The following AKAP13 variants were observed in gnomAD, a reference collection of about 807,000 sequenced individuals.
AKAP13 encodes the protein A-kinase anchoring protein 13, also known as A-kinase anchor protein 13.
In AKAP13, 80 loss-of-function variants were observed where a neutral mutation model predicts 264.5. That is an observed-to-expected ratio of 0.30 (90% CI 0.25 to 0.36). AKAP13 has a LOEUF of 0.36. Ranked by LOEUF, AKAP13 falls within the 10% of genes least tolerant of loss-of-function variation. The pLI is 1.00. For synonymous variants in AKAP13, 1,380 were observed against 1,250.2 expected (o/e 1.10, Z -2.19); for missense variants, 3,712 against 3,435.2 (o/e 1.08, Z -2.01).
At chr15:85,470,417 T>C (rs2074918779) in intron 1 of AKAP13, among the ~76,000 whole-genome samples, 1 of 152,210 alleles carries the variant, frequency 6.6e-6, no homozygotes. Flanking sequence ...TGATTCTGTT[T>C]CGATGCTAAT....
At chr15:85,607,393 G>A (rs1654632781) in intron 8 of AKAP13, among the ~76,000 whole-genome samples, 2 of 151,956 alleles carry the variant, frequency 1.3e-5, no homozygotes, top group Non-Finnish European at 2.9e-5. Flanking sequence ...CTTGTAGGCT[G>A]ACTTAAATAC....
intron 2 of AKAP13, among the ~76,000 whole-genome samples, chr15:85,513,501 C>T (rs535720221): frequency 2.0e-5 from 3 of 152,144 alleles, no homozygotes; most frequent in African/African-American, 7.2e-5. Context: ...ATATTCTTTA[C>T]TCAGGGCAAC....
chr15:85,639,145 C>T (rs2082194208), intron 8 of AKAP13, among the ~76,000 whole-genome samples: 1 of 152,062 alleles, frequency 6.6e-6, no homozygotes, highest in Admixed American at 6.5e-5. Context: ...TGTATCTTTT[C>T]TTATTGCTTT....
chr15:85,602,286 G>A (rs1468002703), intron 8 of AKAP13, among the ~76,000 whole-genome samples: 1 of 150,866 alleles, frequency 6.6e-6, no homozygotes, highest in Non-Finnish European at 1.5e-5. Flanking sequence ...AGGCATTCTT[G>A]TGCCTCAGCC....
chr15:85,704,850 T>C (rs2086140640), intron 17 of AKAP13, among the ~76,000 whole-genome samples: 1 of 152,228 alleles, frequency 6.6e-6, no homozygotes, highest in East Asian at 1.9e-4. Context: ...AGTAAGATTT[T>C]AGTCTCATGA....
intron 1 of AKAP13, among the ~76,000 whole-genome samples, chr15:85,457,607 C>A (rs1567066763): frequency 6.6e-6 from 1 of 152,200 alleles, no homozygotes; most frequent in Non-Finnish European, 1.5e-5. Flanking sequence ...TTGGACACAG[C>A]TGTTTCCTCG....
chr15:85,625,148 ATC>A (rs758444724), intron 8 of AKAP13, among the ~76,000 whole-genome samples: 10 of 152,080 alleles, frequency 6.6e-5, no homozygotes, highest in Non-Finnish European at 1.3e-4. Flanking sequence ...TAATGGTAAA[ATC>A]TCTGTTTTCC....
intron 2 of AKAP13, among the ~76,000 whole-genome samples, chr15:85,507,397 AC>A (rs912392368): frequency 8.6e-5 from 13 of 151,876 alleles, no homozygotes; most frequent in African/African-American, 3.1e-4. Flanking sequence ...AAAAAAAAAA[AC>A]ATAAGAAACG....
At chr15:85,598,463 T>C (rs1320467363) in intron 8 of AKAP13, among the ~76,000 whole-genome samples, 1 of 152,214 alleles carries the variant, frequency 6.6e-6, no homozygotes, top group African/African-American at 2.4e-5. Flanking sequence ...AAAACATATG[T>C]CCATGCACGA....
chr15:85,691,834 C>T (rs754856128), intron 16 of AKAP13: 4 of 490,164 alleles, frequency 8.2e-6, no homozygotes, highest in South Asian at 4.5e-5. Context: ...GAGGGAAGAC[C>T]ACAGGAAAGA....
chr15:85,739,607 A>G (rs946849121), intron 33 of AKAP13, among the ~76,000 whole-genome samples: 1 of 151,920 alleles, frequency 6.6e-6, no homozygotes, highest in African/African-American at 2.4e-5. Flanking sequence ...GGTTTCTTCC[A>G]TTACTTCTGT....
chr15:85,498,335 G>A (rs901500955), intron 2 of AKAP13, among the ~76,000 whole-genome samples: 1 of 151,804 alleles, frequency 6.6e-6, no homozygotes, highest in Non-Finnish European at 1.5e-5. Context: ...GTGTGGCTTC[G>A]TCTTGCATCT....
intron 17 of AKAP13, among the ~76,000 whole-genome samples, chr15:85,696,241 G>A (rs1597092213): frequency 6.6e-6 from 1 of 152,128 alleles, no homozygotes; most frequent in Non-Finnish European, 1.5e-5. Flanking sequence ...GTGGAAACCA[G>A]GTAATATAAT....
chr15:85,645,679 TA>T, intron 9 of AKAP13, 138 bp from the exon 10 acceptor site: 3 of 905,118 alleles, frequency 3.3e-6, no homozygotes, highest in Non-Finnish European at 3.2e-6. Context: ...AAAAAAGAAA[TA>T]AGGAGGGAAG....
intron 8 of AKAP13, among the ~76,000 whole-genome samples, chr15:85,637,756 C>T (rs338502): frequency 0.27 from 41,105 of 151,882 alleles, 7,991 homozygotes; most frequent in East Asian, 0.57. Flanking sequence ...TGTAATGTTA[C>T]AAATATTGCT....
chr15:85,741,707 AAAAAAAAAAC>A (rs1245719094), intron 35 of AKAP13, among the ~76,000 whole-genome samples: 94 of 86,828 alleles, frequency 1.1e-3, no homozygotes, highest in Admixed American at 2.3e-3. Flanking sequence ...TAAAAAAAAA[AAAAAAAAAAC>A]AAACAAACAA....
In AKAP13 at chr15:85,744,680, C is replaced by T. The variant is rs1309590135; in HGVS notation, c.*3C>T. The T allele has an allele frequency of 1.0e-5, 16 of 1,601,778 alleles. No individual in the cohort carries two copies. The highest frequency in any genetic ancestry group is 2.2e-5 in the East Asian group (1 of 44,726). On this transcript the variant is annotated 3_prime_UTR_variant, in exon 37 of 37. Coordinates refer to ENST00000394518, the MANE Select transcript of AKAP13 (RefSeq NM_007200.5). Reference sequence around the variant, plus strand: ...AGGGTGAAGAGATCTTCTGCTGACCCTCTTCCTCTCTGCTGAGGCAGCTGC... The same window carrying T: ...AGGGTGAAGAGATCTTCTGCTGACCTTCTTCCTCTCTGCTGAGGCAGCTGC...
At chr15:85,573,981 T>G (rs574163283) in intron 5 of AKAP13, among the ~76,000 whole-genome samples, 3 of 152,332 alleles carry the variant, frequency 2.0e-5, no homozygotes, top group Admixed American at 6.5e-5. Context: ...GATTATAATA[T>G]CTGTGTTTGC....
chr15:85,743,935 C>G (rs1331467562), intron 36 of AKAP13, 110 bp downstream of exon 36: 2 of 1,277,532 alleles, frequency 1.6e-6, no homozygotes, highest in Non-Finnish European at 2.1e-6. Context: ...TTCAGATGCT[C>G]AAAAGCCAAA....
Sources: gnomAD v4.1 joint callset for allele counts (sites outside exome capture counted in the v4.1 genomes callset) on GRCh38, gnomAD v4.1.1 for gene constraint, MANE v1.5 for transcripts, NCBI Gene and HGNC (gene_info 2026-07-23, HGNC 2026-07-21) for gene names.